The following MC2R variants were observed in gnomAD, a reference collection of about 807,000 sequenced individuals.
MC2R encodes melanocortin 2 receptor.
In MC2R, 9 loss-of-function variants were observed where a neutral mutation model predicts 9.8. The ratio of observed to expected loss-of-function variants is 0.92; its 90% CI spans 0.55 to 1.60. The LOEUF (loss-of-function observed/expected upper bound fraction) is 1.60, where lower values mean the gene tolerates loss of function less well. Ranked by LOEUF, MC2R falls within the 40% of genes most tolerant of loss-of-function variation. MC2R has a pLI of 0.00. For synonymous variants in MC2R, 185 were observed against 154.7 expected (o/e 1.20, Z -1.45); for missense variants, 370 against 389.0 (o/e 0.95, Z 0.41).
chr18:13,902,184 T>C (rs542226579), intron 1 of MC2R, among the ~76,000 whole-genome samples: 1 of 152,124 alleles, frequency 6.6e-6, no homozygotes, highest in Non-Finnish European at 1.5e-5. Context: ...AAAAAGCGTT[T>C]GGTAAAATCC....
At chr18:13,892,196 T>C (rs143382476) in intron 1 of MC2R, among the ~76,000 whole-genome samples, 1 of 152,332 alleles carries the variant, frequency 6.6e-6, no homozygotes, top group East Asian at 1.9e-4. Context: ...CTGTGGCAGC[T>C]TTTAAGGATG....
chr18:13,896,672 T>C (rs1286317973), intron 1 of MC2R, among the ~76,000 whole-genome samples: 1 of 152,204 alleles, frequency 6.6e-6, no homozygotes, highest in African/African-American at 2.4e-5. Context: ...AAATGTGTTA[T>C]CACTAAATAT....
intron 1 of MC2R, among the ~76,000 whole-genome samples, chr18:13,899,081 C>T (rs2045363752): frequency 6.6e-6 from 1 of 152,132 alleles, no homozygotes; most frequent in Non-Finnish European, 1.5e-5. Context: ...GAATTCAAAA[C>T]ACCTGTATTG....
intron 1 of MC2R, among the ~76,000 whole-genome samples, chr18:13,908,803 G>T (rs1346769356): frequency 2.0e-5 from 3 of 150,786 alleles, no homozygotes; most frequent in Non-Finnish European, 3.0e-5. Flanking sequence ...GTTATCACTG[G>T]GTGGTAGAGC....
chr18:13,913,823 C>T (rs2045460802), intron 1 of MC2R, among the ~76,000 whole-genome samples: 1 of 152,210 alleles, frequency 6.6e-6, no homozygotes, highest in Admixed American at 6.5e-5. Context: ...CTTATTTCTA[C>T]AACGGCATTA....
chr18:13,908,461 G>A (rs151141509), intron 1 of MC2R, among the ~76,000 whole-genome samples: 1,805 of 152,240 alleles, frequency 0.012, 30 homozygotes, highest in African/African-American at 0.04. Flanking sequence ...TAATAAATCA[G>A]TAGGGTGACT....
intron 1 of MC2R, among the ~76,000 whole-genome samples, chr18:13,898,266 G>C (rs1202600516): frequency 6.6e-6 from 1 of 152,156 alleles, no homozygotes; most frequent in Non-Finnish European, 1.5e-5. Context: ...GGTGATGTTG[G>C]TTACAGGGTA....
At chr18:13,911,222 G>C (rs569714681) in intron 1 of MC2R, among the ~76,000 whole-genome samples, 1 of 152,266 alleles carries the variant, frequency 6.6e-6, no homozygotes, top group South Asian at 2.1e-4. Flanking sequence ...GAGAGCAGGG[G>C]CCGGAGTGTC....
At chr18:13,911,635 G>C (rs1327113699) in intron 1 of MC2R, among the ~76,000 whole-genome samples, 6 of 152,178 alleles carry the variant, frequency 3.9e-5, no homozygotes, top group Non-Finnish European at 7.3e-5. Flanking sequence ...GCAGCGGGTA[G>C]CTTTGGCTTC....
At chr18:13,897,844 C>T (rs142557662) in intron 1 of MC2R, among the ~76,000 whole-genome samples, 4 of 151,936 alleles carry the variant, frequency 2.6e-5, no homozygotes, top group Non-Finnish European at 5.9e-5. Flanking sequence ...ACCTGAAGAG[C>T]CTTTAGGCCC....
At chr18:13,909,113 T>A (rs2045430276) in intron 1 of MC2R, among the ~76,000 whole-genome samples, 1 of 151,842 alleles carries the variant, frequency 6.6e-6, no homozygotes, top group Non-Finnish European at 1.5e-5. Context: ...CTCCTTAGGC[T>A]TCTCTTGGTT....
At chr18:13,908,527 A>G (rs75290300) in intron 1 of MC2R, among the ~76,000 whole-genome samples, 1,810 of 152,334 alleles carry the variant, frequency 0.012, 37 homozygotes, top group African/African-American at 0.042. Flanking sequence ...AAGAATTTCA[A>G]TGGTTCTAGC....
intron 1 of MC2R, among the ~76,000 whole-genome samples, chr18:13,914,350 C>T (rs952634939): frequency 1.3e-5 from 2 of 152,182 alleles, no homozygotes; most frequent in African/African-American, 4.8e-5. Context: ...TGTGCGCTGT[C>T]CTCAGCGCCG....
intron 1 of MC2R, among the ~76,000 whole-genome samples, chr18:13,900,783 C>T (rs536904513): frequency 8.5e-5 from 13 of 152,138 alleles, no homozygotes; most frequent in Non-Finnish European, 1.5e-4. Flanking sequence ...GAGACAGGCC[C>T]CAATACAATA....
Position 13,882,586 on chromosome 18 carries a change from C to G in MC2R, c.*2039G>C, listed in dbSNP as rs2045239162. Reference sequence around the variant, plus strand: ...AGAGAGCTTGAGAGTGATTAGGAGACAGCAAAGCTGTTGACAAAGGCAGAA... The same window carrying G: ...AGAGAGCTTGAGAGTGATTAGGAGAGAGCAAAGCTGTTGACAAAGGCAGAA... On this transcript the variant is annotated 3_prime_UTR_variant, in exon 2 of 2. Transcript: ENST00000327606. The G allele has an allele frequency of 1.3e-5, 2 of 152,176 alleles. No individual in the cohort carries two copies. Among genetic ancestry groups the G allele is most frequent in the African/African-American group, 4.8e-5 (2 of 41,422 alleles). The allele number at this position is 152,176 out of a possible 1,614,324, so 9.4% of individuals were successfully genotyped here.
At position 13,882,237 on chromosome 18, in the gene MC2R, T is replaced by C. The variant is rs1253657645; in HGVS notation, c.*2388A>G. Reference sequence around the variant, plus strand: ...CTCATGGGAAAAGTCTGAAGCTTGTTGATCTTCCTCACACAAATATGTGCA... The same window carrying C: ...CTCATGGGAAAAGTCTGAAGCTTGTCGATCTTCCTCACACAAATATGTGCA... On this transcript the variant is annotated 3_prime_UTR_variant, in exon 2 of 2. Transcript: ENST00000327606. The C allele has an allele frequency of 1.3e-5, 2 of 152,256 alleles. No homozygotes were observed. Among genetic ancestry groups the C allele is most frequent in the Admixed American group, 6.5e-5 (1 of 15,286 alleles). 9.4% of individuals were successfully genotyped at this position (152,256 alleles called of 1,614,324 possible).
chr18:13,889,981 A>T (rs902075944), intron 1 of MC2R, among the ~76,000 whole-genome samples: 1 of 152,232 alleles, frequency 6.6e-6, no homozygotes, highest in African/African-American at 2.4e-5. Context: ...GTTTGGCTCC[A>T]AAAATGATTA....
At chr18:13,908,321 A>T (rs191116832) in intron 1 of MC2R, among the ~76,000 whole-genome samples, 38 of 152,354 alleles carry the variant, frequency 2.5e-4, no homozygotes, top group African/African-American at 9.1e-4. Context: ...GAGCTAAAAA[A>T]GTAAATCTCA....
At chr18:13,907,312 T>C (rs1447481121) in intron 1 of MC2R, among the ~76,000 whole-genome samples, 1 of 152,012 alleles carries the variant, frequency 6.6e-6, no homozygotes, top group Non-Finnish European at 1.5e-5. Context: ...GAAAACTGGA[T>C]ATCCATATGC....
Sources: allele counts gnomAD v4.1 joint callset (sites outside exome capture counted in the v4.1 genomes callset), GRCh38; gene constraint gnomAD v4.1.1; transcripts MANE v1.5; gene names NCBI Gene and HGNC (gene_info 2026-07-23, HGNC 2026-07-21).